SGCZ: variants seen among roughly 807,000 people sequenced by gnomAD.
The protein encoded by SGCZ is sarcoglycan zeta, also known as zeta-sarcoglycan.
Under a neutral mutation model 41.3 loss-of-function variants are expected in SGCZ, and 40 were observed. That is an observed-to-expected ratio of 0.97 (90% confidence interval 0.75 to 1.26). The LOEUF (loss-of-function observed/expected upper bound fraction) is 1.26, where lower values mean the gene tolerates loss of function less well. SGCZ is among the 50% of genes most tolerant of loss of function. The pLI, the probability that SGCZ is intolerant of heterozygous loss-of-function variation, is 0.00. For missense variants in SGCZ, 552 were observed against 369.8 expected, an observed-to-expected ratio of 1.49 and a Z score of -4.04; for synonymous variants, 206 against 137.5, an observed-to-expected ratio of 1.50 and a Z score of -3.49.
intron 4 of SGCZ, among the ~76,000 whole-genome samples, chr8:14,234,697 G>A (rs957679435): frequency 1.3e-5 from 2 of 151,964 alleles, no homozygotes; most frequent in African/African-American, 4.8e-5. Flanking sequence ...TAGACAAGGA[G>A]GGTTAGAACA....
intron 2 of SGCZ, among the ~76,000 whole-genome samples, chr8:14,356,678 T>C (rs1022109526): frequency 1.3e-5 from 2 of 151,980 alleles, no homozygotes; most frequent in African/African-American, 4.8e-5. Context: ...AGGCATAATT[T>C]TGAACATTTG....
At chr8:14,720,184 T>A (rs1220756288) in intron 1 of SGCZ, among the ~76,000 whole-genome samples, 1 of 151,990 alleles carries the variant, frequency 6.6e-6, no homozygotes, top group Non-Finnish European at 1.5e-5. Context: ...AATACCTACT[T>A]GATCAATAAA....
At position 14,087,478 on chromosome 8, in the gene SGCZ, C is replaced by G. The variant is rs900902194; in HGVS notation, c.*2965G>C. On this transcript the variant is annotated 3_prime_UTR_variant, in exon 8 of 8. Coordinates refer to ENST00000382080, the MANE Select transcript of SGCZ (RefSeq NM_139167.4). The stretch of plus-strand genomic sequence containing the variant: ...AACTACCAACCTCTTTTTCTTCTTC[C>G]GTTTGTTCCTTCCTGGCGTACACTG... Among the ~76,000 whole-genome samples, 1 of 151,364 alleles carries G rather than the reference C, an allele frequency of 6.6e-6. No individual in the cohort carries two copies. The highest frequency in any genetic ancestry group is 6.6e-5 in the Admixed American group (1 of 15,120).
At chr8:14,730,645 A>G (rs533818695) in intron 1 of SGCZ, among the ~76,000 whole-genome samples, 6 of 151,880 alleles carry the variant, frequency 4.0e-5, no homozygotes, top group African/African-American at 1.5e-4. Flanking sequence ...TCGGAACTGA[A>G]AACTGTCACT....
chr8:14,706,173 C>G (rs1342419351), intron 1 of SGCZ, among the ~76,000 whole-genome samples: 2 of 151,864 alleles, frequency 1.3e-5, no homozygotes, highest in African/African-American at 4.8e-5. Flanking sequence ...AGGAATATAT[C>G]ATGTATCATC....
chr8:14,111,564 T>G (rs1453392311), intron 5 of SGCZ, among the ~76,000 whole-genome samples: 5 of 152,166 alleles, frequency 3.3e-5, no homozygotes, highest in Admixed American at 6.5e-5. Context: ...AAGGGGCTGT[T>G]CAAAAGGGTA....
chr8:14,220,726 G>A (rs954604114), intron 4 of SGCZ, among the ~76,000 whole-genome samples: 2 of 152,084 alleles, frequency 1.3e-5, no homozygotes, highest in Non-Finnish European at 2.9e-5. Context: ...GGCGGAGCTT[G>A]CAGTGAGCTG....
intron 1 of SGCZ, among the ~76,000 whole-genome samples, chr8:14,771,969 C>T (rs1023526433): frequency 6.6e-6 from 1 of 151,970 alleles, no homozygotes; most frequent in African/African-American, 2.4e-5. Context: ...TAGTCAGTCC[C>T]AAATTTACAA....
At chr8:14,586,828 G>A (rs1010090261) in intron 1 of SGCZ, among the ~76,000 whole-genome samples, 1 of 151,694 alleles carries the variant, frequency 6.6e-6, no homozygotes, top group East Asian at 1.9e-4. Flanking sequence ...AATTTTCTTA[G>A]CCAATTTCCT....
chr8:14,664,997 G>C (rs1464970620), intron 1 of SGCZ, among the ~76,000 whole-genome samples: 1 of 152,062 alleles, frequency 6.6e-6, no homozygotes, highest in Non-Finnish European at 1.5e-5. Flanking sequence ...TTAGGTGGGG[G>C]AATAAATGGC....
intron 1 of SGCZ, among the ~76,000 whole-genome samples, chr8:15,068,504 T>C (rs902494036): frequency 6.6e-6 from 1 of 152,202 alleles, no homozygotes; most frequent in Non-Finnish European, 1.5e-5. Context: ...CCTCTTTATC[T>C]CCAAATTACA....
intron 1 of SGCZ, among the ~76,000 whole-genome samples, chr8:14,838,224 G>C (rs556275954): frequency 6.6e-6 from 1 of 152,208 alleles, no homozygotes; most frequent in African/African-American, 2.4e-5. Context: ...TAGGTAGATA[G>C]AATGAATAGG....
chr8:15,109,503 T>G (rs1806964306), intron 1 of SGCZ, among the ~76,000 whole-genome samples: 1 of 152,166 alleles, frequency 6.6e-6, no homozygotes, highest in African/African-American at 2.4e-5. Flanking sequence ...TATAGTTATT[T>G]ATTTGCAATG....
At chr8:14,635,552 A>G (rs73188122) in intron 1 of SGCZ, among the ~76,000 whole-genome samples, 1,867 of 152,054 alleles carry the variant, frequency 0.012, 22 homozygotes, top group Non-Finnish European at 0.02. Flanking sequence ...GGAAAATTCC[A>G]GAAATAATTC....
chr8:15,089,235 T>C (rs1164650611), intron 1 of SGCZ, among the ~76,000 whole-genome samples: 1 of 152,174 alleles, frequency 6.6e-6, no homozygotes, highest in Admixed American at 6.6e-5. Flanking sequence ...TAGTTAATAT[T>C]CATTTCTTTG....
intron 1 of SGCZ, among the ~76,000 whole-genome samples, chr8:14,671,568 C>T (rs1808102944): frequency 6.6e-6 from 1 of 152,098 alleles, no homozygotes; most frequent in South Asian, 2.1e-4. Flanking sequence ...GCAAACTTTA[C>T]TTCAGGGTGC....
At chr8:14,477,337 A>G (rs1801390426) in intron 2 of SGCZ, among the ~76,000 whole-genome samples, 1 of 152,158 alleles carries the variant, frequency 6.6e-6, no homozygotes, top group Admixed American at 6.6e-5. Flanking sequence ...CTTTGGTTTT[A>G]AGTGTTTGAT....
intron 3 of SGCZ, among the ~76,000 whole-genome samples, chr8:14,253,856 C>A (rs567959060): frequency 2.4e-4 from 36 of 152,216 alleles, no homozygotes; most frequent in Non-Finnish European, 4.0e-4. Context: ...AAAGTGTGAA[C>A]CTTCTCCTAG....
At chr8:14,720,158 T>A (rs1489675710) in intron 1 of SGCZ, among the ~76,000 whole-genome samples, 1 of 151,984 alleles carries the variant, frequency 6.6e-6, no homozygotes, top group Admixed American at 6.6e-5. Context: ...TGGCCACAAA[T>A]ACATATCTTC....
Sources: gnomAD v4.1 joint callset for allele counts (sites outside exome capture counted in the v4.1 genomes callset) on GRCh38, gnomAD v4.1.1 for gene constraint, MANE v1.5 for transcripts, NCBI Gene and HGNC (gene_info 2026-07-23, HGNC 2026-07-21) for gene names.